SYNPO2: variants seen among roughly 807,000 people sequenced by gnomAD.
SYNPO2 encodes the protein synaptopodin-2.
In SYNPO2, 56 loss-of-function variants were observed where a neutral mutation model predicts 85.0. The ratio of observed to expected loss-of-function variants is 0.66; its 90% CI spans 0.53 to 0.82. SYNPO2 has a LOEUF of 0.82. Among genes scored for constraint, SYNPO2 ranks in the 40% least tolerant of loss-of-function variants. The pLI is 0.00. For synonymous variants in SYNPO2, 602 were observed against 591.1 expected (o/e 1.02, Z -0.27); for missense variants, 1,575 against 1,534.2 (o/e 1.03, Z -0.44).
intron 1 of SYNPO2, among the ~76,000 whole-genome samples, chr4:118,875,221 G>A (rs1024436551): frequency 3.3e-5 from 5 of 152,166 alleles, no homozygotes; most frequent in African/African-American, 2.4e-5. Context: ...GTATTCCATG[G>A]TGTATATGTA....
In SYNPO2 at chr4:119,030,440, C is replaced by G; in HGVS notation, c.1665C>G (p.Ile555Met). The G allele has an allele frequency of 1.2e-6, 2 of 1,614,128 alleles. No individual in the cohort carries two copies. Among genetic ancestry groups the G allele is most frequent in the Non-Finnish European group, 1.7e-6 (2 of 1,180,028 alleles). The change falls in exon 4 of 5, where the codon ATC (isoleucine) becomes ATG (methionine). Residue 555 changes from isoleucine (I) to methionine (M), a missense_variant. By Grantham distance (10) the Ile-to-Met change is conservative (BLOSUM62 1). Transcript: ENST00000307142. ...RTQSSVSKSY[I>M]EVSHGLGHVP... ...AGAGCTCTGTGAGCAAAAGCTACAT[C>G]GAGGTGAGTCATGGTCTTGGCCATG...
intron 3 of SYNPO2, among the ~76,000 whole-genome samples, 153 bp downstream of exon 3, chr4:119,027,591 T>G (rs1021852510): frequency 6.6e-6 from 1 of 152,198 alleles, no homozygotes; most frequent in Admixed American, 6.5e-5. Context: ...AATGTGAAAT[T>G]GTGGAGAATA....
At chr4:119,053,164 A>G (rs1739105151) in intron 4 of SYNPO2, among the ~76,000 whole-genome samples, 1 of 152,208 alleles carries the variant, frequency 6.6e-6, no homozygotes, top group African/African-American at 2.4e-5. Context: ...AGCCAGCCAA[A>G]CAGAGAACAG....
intron 1 of SYNPO2, among the ~76,000 whole-genome samples, chr4:118,861,344 T>G (rs1731607667): frequency 6.6e-6 from 1 of 152,122 alleles, no homozygotes. Context: ...TTATTTTATT[T>G]GTATTTTTAG....
At chr4:118,968,774 C>A (rs1735411530) in intron 1 of SYNPO2, among the ~76,000 whole-genome samples, 1 of 152,162 alleles carries the variant, frequency 6.6e-6, no homozygotes, top group African/African-American at 2.4e-5. Flanking sequence ...AATGGCATAA[C>A]TCCCTTGTGG....
intron 1 of SYNPO2, among the ~76,000 whole-genome samples, chr4:119,022,601 C>T (rs1429105311): frequency 6.8e-6 from 1 of 148,000 alleles, no homozygotes; most frequent in African/African-American, 2.5e-5. Flanking sequence ...AGAGATCCAC[C>T]TGCCTCAGCT....
chr4:118,928,609 C>T (rs1733817966), intron 1 of SYNPO2, among the ~76,000 whole-genome samples: 2 of 152,156 alleles, frequency 1.3e-5, no homozygotes, highest in African/African-American at 4.8e-5. Context: ...TACCGAAAGT[C>T]TCAGGCCATC....
intron 1 of SYNPO2, among the ~76,000 whole-genome samples, chr4:119,014,310 A>T (rs1444462408): frequency 1.3e-5 from 2 of 152,172 alleles, no homozygotes; most frequent in African/African-American, 2.4e-5. Flanking sequence ...GCTACTCGGG[A>T]GGCTGAGGCA....
intron 1 of SYNPO2, among the ~76,000 whole-genome samples, chr4:118,956,857 C>G (rs889682156): frequency 3.9e-5 from 6 of 151,986 alleles, no homozygotes; most frequent in African/African-American, 1.5e-4. Flanking sequence ...CCAGCCTGGG[C>G]AACATGGTGA....
chr4:119,032,371 C>A (rs1738314210), intron 4 of SYNPO2: 1 of 1,214,040 alleles, frequency 8.2e-7, no homozygotes, highest in Admixed American at 3.9e-5. Context: ...TCAGTGATAT[C>A]AAACATCAGG....
chr4:118,973,026 A>C (rs6534117), intron 1 of SYNPO2, among the ~76,000 whole-genome samples: 105,489 of 152,032 alleles, frequency 0.69, 36,922 homozygotes, highest in South Asian at 0.79. Flanking sequence ...ATGGGCTTAT[A>C]CATGCATTAA....
intron 1 of SYNPO2, among the ~76,000 whole-genome samples, chr4:118,969,415 T>A (rs1560924472): frequency 1.3e-5 from 2 of 151,712 alleles, no homozygotes; most frequent in Non-Finnish European, 2.9e-5. Context: ...TGTAAAAAAG[T>A]ACGTTTCTCT....
At chr4:118,899,217 T>C (rs1413887673) in intron 1 of SYNPO2, among the ~76,000 whole-genome samples, 1 of 152,202 alleles carries the variant, frequency 6.6e-6, no homozygotes, top group Admixed American at 6.5e-5. Flanking sequence ...TGTATGTACA[T>C]ATATATAAAA....
chr4:118,994,463 C>G (rs1250400612), intron 1 of SYNPO2, among the ~76,000 whole-genome samples: 1 of 152,138 alleles, frequency 6.6e-6, no homozygotes, highest in African/African-American at 2.4e-5. Flanking sequence ...AGACCTACCA[C>G]CTAAATGTAA....
Position 119,057,555 on chromosome 4 carries a change from C to G in SYNPO2, c.3407C>G (p.Ala1136Gly). Residue 1136 changes from alanine (A) to glycine (G), a missense_variant, in exon 5 of 5, where the codon GCA becomes GGA. By Grantham distance (60) the Ala-to-Gly change is moderately conservative. This residue lies in a region of SYNPO2 where 1,508 missense variants were observed against 1,446.8 expected (regional missense o/e 1.04). Coordinates refer to ENST00000307142, the MANE Select transcript of SYNPO2 (RefSeq NM_133477.3). ...AGACCAACTCCTTGGGAAGCAGCAG[C>G]AAAGTCTCCTCTCGGTCTAGTGGAT... is the stretch of plus-strand genomic sequence containing the variant. ...NKRPTPWEAA[A>G]KSPLGLVDDA... 1 of 1,614,100 alleles carries G rather than the reference C, an allele frequency of 6.2e-7. No individual in the cohort carries two copies. The highest frequency in any genetic ancestry group is 1.3e-5 in the African/African-American group (1 of 75,020).
intron 1 of SYNPO2, among the ~76,000 whole-genome samples, chr4:118,864,851 G>A (rs1731673646): frequency 6.6e-6 from 1 of 152,016 alleles, no homozygotes; most frequent in Non-Finnish European, 1.5e-5. Flanking sequence ...TAGATGAAAC[G>A]TGTTTTTTGC....
In SYNPO2 at chr4:119,031,057, C is replaced by T; in HGVS notation, c.2282C>T (p.Pro761Leu). ...AKQKTPPPVA[P>L]KPAVKSSSSQ... ...CAAAAGACCCCTCCTCCTGTTGCTC[C>T]AAAACCTGCAGTCAAGTCCTCATCC... The change falls in exon 4 of 5, where the codon CCA becomes CTA. Residue 761 changes from proline (P) to leucine (L), a missense_variant. Physicochemically the swap from Pro to Leu is moderately conservative, Grantham distance 98. Coordinates refer to ENST00000307142, the MANE Select transcript of SYNPO2 (RefSeq NM_133477.3). 1 of 1,614,070 alleles carries T rather than the reference C, an allele frequency of 6.2e-7. No homozygotes were observed. Among genetic ancestry groups the T allele is most frequent in the South Asian group, 1.1e-5 (1 of 91,074 alleles).
chr4:118,937,802 C>T (rs1734159341), intron 1 of SYNPO2, among the ~76,000 whole-genome samples: 1 of 152,156 alleles, frequency 6.6e-6, no homozygotes, highest in Non-Finnish European at 1.5e-5. Flanking sequence ...GTACAGTTGT[C>T]CCTTGGTATC....
intron 1 of SYNPO2, among the ~76,000 whole-genome samples, chr4:118,970,943 C>A (rs563776499): frequency 6.6e-6 from 1 of 152,256 alleles, no homozygotes; most frequent in East Asian, 1.9e-4. Flanking sequence ...GACACAGAAT[C>A]TTTTCATTTG....
Sources: allele counts gnomAD v4.1 joint callset (sites outside exome capture counted in the v4.1 genomes callset), GRCh38; gene constraint gnomAD v4.1.1; regional missense constraint gnomAD v4.1.1; transcripts MANE v1.5; gene names NCBI Gene and HGNC (gene_info 2026-07-23, HGNC 2026-07-21).